Variants in TPR observed in about 807,000 individuals in gnomAD.
TPR encodes the protein translocated promoter region, nuclear basket protein, also known as nucleoprotein TPR.
TPR carries 51 observed loss-of-function variants against 316.1 expected under a neutral mutation model. The observed-to-expected ratio is 0.16, with a 90% confidence interval of 0.13 to 0.20. TPR has a LOEUF of 0.20. Among genes scored for constraint, TPR ranks in the 10% least tolerant of loss-of-function variants. TPR has a pLI of 1.00. For synonymous variants in TPR, 981 were observed against 914.7 expected (o/e 1.07, Z -1.31); for missense variants, 2,272 against 2,754.8 (o/e 0.82, Z 3.92).
At chr1:186,315,142 G>C (rs567549782) in intron 49 of TPR, among the ~76,000 whole-genome samples, 16 of 151,266 alleles carry the variant, frequency 1.1e-4, no homozygotes, top group Non-Finnish European at 2.2e-4. Flanking sequence ...CAGTACTCCA[G>C]GGAGACCGGT....
intron 3 of TPR, among the ~76,000 whole-genome samples, chr1:186,369,225 A>T (rs923387477): frequency 2.0e-5 from 3 of 152,068 alleles, no homozygotes; most frequent in African/African-American, 7.2e-5. Flanking sequence ...TGCTTTGGTT[A>T]TTATTCAGGA....
intron 49 of TPR, among the ~76,000 whole-genome samples, chr1:186,315,834 G>T (rs963072376): frequency 1.3e-5 from 2 of 148,972 alleles, no homozygotes; most frequent in Non-Finnish European, 3.0e-5. Flanking sequence ...ACACACTGCT[G>T]CCTTATGGAC....
rs759121930 is a variant in TPR, at chr1:186,344,109, T to A, written c.3418-19A>T. 1.3e-6 allele frequency: 2 copies of A among 1,597,132 alleles called. No individual in the cohort carries two copies. The highest frequency in any genetic ancestry group is 1.1e-5 in the South Asian group (1 of 88,414). Reference sequence around the variant, plus strand: ...CTTCATCCTGCAAGCCAAGAGTCTATCAGAATAACAGATTTTCCAATGCAT... The same window carrying A: ...CTTCATCCTGCAAGCCAAGAGTCTAACAGAATAACAGATTTTCCAATGCAT... On this transcript the variant is annotated intron_variant, in intron 25 of 50. Transcript: ENST00000367478.
At chr1:186,359,044 TATAAC>T (rs1659109762) in intron 12 of TPR, among the ~76,000 whole-genome samples, 1 of 152,126 alleles carries the variant, frequency 6.6e-6, no homozygotes, top group African/African-American at 2.4e-5. Flanking sequence ...ACTTCTAAAT[TATAAC>T]AGCAACAGAG....
chr1:186,353,858 G>A lies in TPR; in HGVS notation c.2172-8C>T, dbSNP rs1558024513. 1.2e-6 allele frequency: 2 copies of A among 1,608,782 alleles called. No individual in the cohort carries two copies. Among genetic ancestry groups the A allele is most frequent in the Non-Finnish European group, 1.7e-6 (2 of 1,178,566 alleles). On this transcript the variant is annotated splice_region_variant and splice_polypyrimidine_tract_variant and intron_variant, in intron 17 of 50. Transcript: ENST00000367478. ...TCTTGCAGCATTTCATAACTGGTAT[G>A]AAAAAAGTAATTCTACAAGTAACTG... is the stretch of plus-strand genomic sequence containing the variant.
chr1:186,343,477 CAAA>C lies in TPR; in HGVS notation c.3603-7_3603-5del. The C allele has an allele frequency of 6.2e-7, 1 of 1,606,456 alleles. No homozygotes were observed. Among genetic ancestry groups the C allele is most frequent in the Non-Finnish European group, 8.5e-7 (1 of 1,177,916 alleles). On this transcript the variant is annotated splice_region_variant and splice_polypyrimidine_tract_variant and intron_variant, in intron 26 of 50. Coordinates refer to ENST00000367478, the MANE Select transcript of TPR (RefSeq NM_003292.3). The stretch of plus-strand genomic sequence containing the variant: ...TTCTTTTTCTCGTCGTATAAATCTA[CAAA>C]AATACAGATATTAAAATTTTATGTG...
intron 21 of TPR, among the ~76,000 whole-genome samples, chr1:186,348,252 T>C (rs1658741606): frequency 1.3e-5 from 2 of 152,142 alleles, no homozygotes; most frequent in African/African-American, 4.8e-5. Flanking sequence ...GGGGGAGGTC[T>C]ATGAACAGCC....
Position 186,334,476 on chromosome 1 carries a change from A to G in TPR, c.5031T>C (p.Thr1677=). Residue 1677 remains threonine, a synonymous_variant, in exon 36 of 51, where the codon ACT becomes ACC. Coordinates refer to ENST00000367478, the MANE Select transcript of TPR (RefSeq NM_003292.3). ...ANIKPTPVVS[T]PSKVTAAAMA... is the part of the protein sequence containing the mutation. ...TAGCTGCAGCTGTCACTTTACTTGG[A>G]GTAGACACAACAGGAGTTGGCTTGA... 1.9e-6 allele frequency: 3 copies of G among 1,613,740 alleles called. No homozygotes were observed. Among genetic ancestry groups the G allele is most frequent in the Non-Finnish European group, 2.5e-6 (3 of 1,179,746 alleles).
In TPR at chr1:186,363,399, T is replaced by C. The variant is rs1279235231; in HGVS notation, c.474A>G (p.Thr158=). Residue 158 remains threonine, a synonymous_variant, in exon 5 of 51, where the codon ACA becomes ACG. Coordinates refer to ENST00000367478, the MANE Select transcript of TPR (RefSeq NM_003292.3). ...LNEKLKESNT[T]KGELQLKLDE... ...CCAATTTTAACTGAAGTTCACCCTT[T>C]GTTGTATTGCTTTCTTTAAGTTTTT... 1 of 1,612,834 alleles carries C rather than the reference T, an allele frequency of 6.2e-7. No homozygotes were observed. The highest frequency in any genetic ancestry group is 8.5e-7 in the Non-Finnish European group (1 of 1,179,174).
At chr1:186,339,815 G>A (rs1366027035) in intron 29 of TPR, 43 bp from the exon 30 acceptor site, 2 of 1,509,218 alleles carry the variant, frequency 1.3e-6, no homozygotes, top group Admixed American at 2.1e-5. Flanking sequence ...TAGGTTTTAT[G>A]AAACAAATGT....
intron 17 of TPR, among the ~76,000 whole-genome samples, chr1:186,354,790 T>C (rs1185646672): frequency 1.3e-5 from 2 of 152,188 alleles, no homozygotes; most frequent in Non-Finnish European, 2.9e-5. Flanking sequence ...TTTGCTCTCA[T>C]TTCTCTCATC....
chr1:186,372,342 G>A (rs1659558023), intron 2 of TPR, among the ~76,000 whole-genome samples: 1 of 152,196 alleles, frequency 6.6e-6, no homozygotes, highest in African/African-American at 2.4e-5. Context: ...AGGAGTTCAA[G>A]ACCAGCCTGG....
intron 49 of TPR, among the ~76,000 whole-genome samples, chr1:186,316,105 C>T (rs183962770): frequency 1.3e-3 from 204 of 151,962 alleles, no homozygotes; most frequent in African/African-American, 4.7e-3. Context: ...TTTTCTCATA[C>T]AAGCTCTGAT....
intron 20 of TPR, among the ~76,000 whole-genome samples, 168 bp from the exon 21 acceptor site, chr1:186,350,556 G>A (rs549820158): frequency 1.3e-4 from 20 of 152,152 alleles, no homozygotes; most frequent in African/African-American, 4.3e-4. Context: ...TGAAACAACC[G>A]AGATCCTGAG....
At chr1:186,342,975 C>T (rs1171446066) in intron 27 of TPR, 6 of 174,030 alleles carry the variant, frequency 3.4e-5, no homozygotes, top group African/African-American at 7.1e-5. Context: ...TTATTAAGCA[C>T]CCACTACATA....
intron 49 of TPR, among the ~76,000 whole-genome samples, chr1:186,315,399 G>A (rs541801522): frequency 6.6e-6 from 1 of 152,086 alleles, no homozygotes; most frequent in African/African-American, 2.4e-5. Context: ...GCCTACAACA[G>A]AACACAAATT....
Position 186,351,488 on chromosome 1 carries a change from T to C in TPR, c.2470-18A>G, listed in dbSNP as rs1366063243. 4 of 1,538,912 alleles carry C rather than the reference T, an allele frequency of 2.6e-6. No individual in the cohort carries two copies. The highest frequency in any genetic ancestry group is 3.5e-6 in the Non-Finnish European group (4 of 1,150,068). On this transcript the variant is annotated intron_variant, in intron 19 of 50. Coordinates refer to ENST00000367478, the MANE Select transcript of TPR (RefSeq NM_003292.3). ...AGTATTCCCTAAAGCAAAGAAAAGA[T>C]TTTTGGTTATGCTTAAGAAAAAGGC...
At chr1:186,321,180 AATTG>A (rs1199592941) in intron 45 of TPR, among the ~76,000 whole-genome samples, 1 of 152,174 alleles carries the variant, frequency 6.6e-6, no homozygotes, top group Non-Finnish European at 1.5e-5. Flanking sequence ...AAGGAGCTGA[AATTG>A]ATTGGCTGGT....
At chr1:186,322,173 C>T in intron 45 of TPR, 145 bp downstream of exon 45, 1 of 720,132 alleles carries the variant, frequency 1.4e-6, no homozygotes, top group Non-Finnish European at 2.3e-6. Context: ...ACAATACATC[C>T]TCAACTGACC....
Sources: allele counts gnomAD v4.1 joint callset (sites outside exome capture counted in the v4.1 genomes callset), GRCh38; gene constraint gnomAD v4.1.1; transcripts MANE v1.5; gene names NCBI Gene and HGNC (gene_info 2026-07-23, HGNC 2026-07-21).